CD276: variants seen among roughly 807,000 people sequenced by gnomAD.
CD276 encodes the protein CD276 antigen.
Under a neutral mutation model 50.0 loss-of-function variants are expected in CD276, and 34 were observed. The ratio of observed to expected loss-of-function variants is 0.68; its 90% CI spans 0.52 to 0.91. The LOEUF (loss-of-function observed/expected upper bound fraction) is 0.91. CD276 is among the 40% of genes least tolerant of loss of function. CD276 has a pLI of 0.00. For missense variants in CD276, 634 were observed against 717.5 expected (o/e 0.88, Z 1.33); for synonymous variants, 275 against 313.0 (o/e 0.88, Z 1.28).
chr15:73,708,550 T>G (rs1435574755), intron 7 of CD276, 77 bp downstream of exon 7: 2 of 1,492,246 alleles, frequency 1.3e-6, no homozygotes, highest in African/African-American at 1.4e-5. Flanking sequence ...TTGATGTCAA[T>G]AGAGTGTCAC....
intron 1 of CD276, chr15:73,684,740 G>C (rs1899672493): frequency 6.6e-6 from 1 of 152,456 alleles, no homozygotes; most frequent in Non-Finnish European, 1.5e-5. Flanking sequence ...CTTTCCTCGG[G>C]TTGAGAGGGG....
At position 73,703,689 on chromosome 15, in the gene CD276, C is replaced by T. The variant is rs543666880; in HGVS notation, c.764C>T (p.Pro255Leu). The change falls in exon 5 of 10, where the codon CCG (proline) becomes CTG (leucine). Residue 255 changes from proline to leucine, a missense_variant. Pro to Leu is a moderately conservative substitution (Grantham distance 98, BLOSUM62 -3). Coordinates refer to ENST00000318443, the MANE Select transcript of CD276 (RefSeq NM_001024736.2). ...GAVEVQVPEDPVVALVGTDAT... is the reference protein window; with the variant it reads ...GAVEVQVPEDLVVALVGTDAT... ...GTGGAGGTCCAGGTCCCTGAGGACC[C>T]GGTGGTGGCCCTAGTGGGCACCGAT... The T allele has an allele frequency of 1.5e-5, 24 of 1,612,576 alleles. 1 individual carries two copies. The African/African-American group carries it at 1.6e-4, about 11-fold the overall frequency.
rs1346801665 is a variant in CD276, at chr15:73,695,967, G to C, written c.-54-3619G>C. On this transcript the variant is annotated intron_variant, in intron 1 of 9. Transcript: ENST00000318443. ...CCCAGGCCCAGGGCATTTTGGCCCTGAGCCCAGGTGCAGTCTGGATTTGTT... is the reference window on the plus strand; with the variant it reads ...CCCAGGCCCAGGGCATTTTGGCCCTCAGCCCAGGTGCAGTCTGGATTTGTT... 2.0e-5 allele frequency among the ~76,000 whole-genome samples: 3 copies of C among 152,250 alleles called. No individual in the cohort carries two copies. In the East Asian group the frequency reaches 5.8e-4, roughly 29 times the overall value.
chr15:73,707,860 T>C lies in CD276; in HGVS notation c.1370-479T>C, dbSNP rs11574489. Among the ~76,000 whole-genome samples, 4 of 152,126 alleles carry C rather than the reference T, an allele frequency of 2.6e-5. No homozygotes were observed. In the East Asian group the frequency reaches 7.7e-4, roughly 29 times the overall value. ...AAAGAGGGCCTCTGGAGGAGGTGAA[T>C]ATTGAGCTAAGCAGAGAATTTGGGA... is the stretch of plus-strand genomic sequence containing the variant. On this transcript the variant is annotated intron_variant, in intron 6 of 9. Transcript: ENST00000318443.
Position 73,687,656 on chromosome 15 carries a change from C to T in CD276, c.-55+3196C>T, listed in dbSNP as rs1161738160. ...ATGCTGGGGCTTCCAGGAGTTCCCC[C>T]TCCACCCTCCAGTTCTGACCAGTGC... On this transcript the variant is annotated intron_variant, in intron 1 of 9. Transcript: ENST00000318443. The surrounding 1 kb of genome is among the most constrained non-coding windows in gnomAD (Gnocchi z 4.0). Among the ~76,000 whole-genome samples the T allele has an allele frequency of 6.6e-6, 1 of 152,194 alleles. No individual in the cohort carries two copies. Among genetic ancestry groups the T allele is most frequent in the Non-Finnish European group, 1.5e-5 (1 of 68,026 alleles).
chr15:73,704,020 C>T lies in CD276; in HGVS notation c.1072+23C>T. ...CCGGTGAGCACCAGGAGGGCGACGC[C>T]TTCCCCTTGGTTCACCCTCCATTCC... On this transcript the variant is annotated intron_variant, in intron 5 of 9. Transcript: ENST00000318443. This position sits in a 1 kb window ranked among gnomAD's most constrained non-coding sequence, Gnocchi z 4.1. 6.3e-7 allele frequency: 1 copy of T among 1,597,550 alleles called. No homozygotes were observed. Among genetic ancestry groups the T allele is most frequent in the Non-Finnish European group, 8.5e-7 (1 of 1,172,518 alleles).
At chr15:73,688,823 T>G (rs1899867133) in intron 1 of CD276, among the ~76,000 whole-genome samples, 1 of 152,168 alleles carries the variant, frequency 6.6e-6, no homozygotes, top group African/African-American at 2.4e-5. Context: ...AGAGTTGTTC[T>G]GCTAAGCTGA....
At chr15:73,710,559 C>A (rs1900854606) in intron 8 of CD276, among the ~76,000 whole-genome samples, 1 of 152,220 alleles carries the variant, frequency 6.6e-6, no homozygotes, top group Non-Finnish European at 1.5e-5. Flanking sequence ...TCCCTCCCCA[C>A]CCCCGCAGAA....
intron 1 of CD276, among the ~76,000 whole-genome samples, chr15:73,696,126 G>A (rs1367249490): frequency 1.3e-5 from 2 of 152,220 alleles, no homozygotes; most frequent in Non-Finnish European, 2.9e-5. Context: ...CTCTGTGAAA[G>A]CCGAAGGTGC....
In CD276 at chr15:73,702,951, G is replaced by A. The variant is rs753376152; in HGVS notation, c.598G>A (p.Gly200Ser). The A allele has an allele frequency of 2.2e-5, 36 of 1,614,068 alleles. No individual in the cohort carries two copies. The Middle Eastern group carries it at 9.9e-4, about 44-fold the overall frequency. ...VTTSQMANEQGLFDVHSILRV... is the reference protein window; with the variant it reads ...VTTSQMANEQSLFDVHSILRV... Reference sequence around the variant, plus strand: ...CACGTCGCAGATGGCCAACGAGCAGGGCTTGTTTGATGTGCACAGCATCCT... The same window carrying A: ...CACGTCGCAGATGGCCAACGAGCAGAGCTTGTTTGATGTGCACAGCATCCT... The change falls in exon 4 of 10, where the codon GGC becomes AGC. Residue 200 changes from glycine (G) to serine (S), a missense_variant. Physicochemically the swap from Gly to Ser is moderately conservative, Grantham distance 56. Transcript: ENST00000318443.
At chr15:73,695,567 C>T (rs1567015198) in intron 1 of CD276, among the ~76,000 whole-genome samples, 2 of 152,152 alleles carry the variant, frequency 1.3e-5, no homozygotes, top group African/African-American at 4.8e-5. Flanking sequence ...CCTTAGTTAT[C>T]TCTCTGCCCC....
chr15:73,708,187 C>T (rs1031548159), intron 6 of CD276, 152 bp from the exon 7 acceptor site: 9 of 774,396 alleles, frequency 1.2e-5, no homozygotes, highest in East Asian at 1.1e-4. Flanking sequence ...GAGTGTATGG[C>T]GAAGGGACTG....
rs993290100 is a variant in CD276 at position 73,713,622 on chromosome 15, G to C, written c.*666G>C. 2.7e-6 allele frequency: 1 copy of C among 364,010 alleles called. No individual in the cohort carries two copies. The allele number at this position is 364,010 out of a possible 1,614,324, so 22.5% of individuals were successfully genotyped here. On this transcript the variant is annotated 3_prime_UTR_variant, in exon 10 of 10. Transcript: ENST00000318443. ...GCACTCTGCGCCCACCACATGCACAGCTGTGCATGGAGACCTGCAGGTGCA... is the reference window on the plus strand; with the variant it reads ...GCACTCTGCGCCCACCACATGCACACCTGTGCATGGAGACCTGCAGGTGCA...
chr15:73,700,002 G>T (rs1458079257), intron 2 of CD276, among the ~76,000 whole-genome samples: 1 of 152,164 alleles, frequency 6.6e-6, no homozygotes, highest in African/African-American at 2.4e-5. Context: ...TCCTCTGCCT[G>T]GAACTTTCTG....
Position 73,704,463 on chromosome 15 carries a change from A to T in CD276, c.1360A>T (p.Thr454Ser). The stretch of plus-strand genomic sequence containing the variant: ...GCAGCAGGATGCGCACGGCTCTGTC[A>T]CCATCACAGGTAAGGGCAGATGAAC... ...VLQQDAHGSV[T>S]ITGQPMTFPP... Residue 454 changes from threonine (T) to serine (S), a missense_variant, in exon 6 of 10, where the codon ACC becomes TCC. Physicochemically the swap from Thr to Ser is moderately conservative, Grantham distance 58 (BLOSUM62 1). Transcript: ENST00000318443. This position sits in a 1 kb window ranked among gnomAD's most constrained non-coding sequence, Gnocchi z 4.1. 2 of 1,612,976 alleles carry T rather than the reference A, an allele frequency of 1.2e-6. No individual in the cohort carries two copies. The highest frequency in any genetic ancestry group is 1.7e-6 in the Non-Finnish European group (2 of 1,179,516).
chr15:73,713,042 C>A lies in CD276; in HGVS notation c.*86C>A. ...GCTGCACTGTGAGCCCTGCCCCCAA[C>A]AGATGCATCCTGCTCTGACAGGTGG... is the stretch of plus-strand genomic sequence containing the variant. On this transcript the variant is annotated 3_prime_UTR_variant, in exon 10 of 10. Coordinates refer to ENST00000318443, the MANE Select transcript of CD276 (RefSeq NM_001024736.2). 2 of 1,239,202 alleles carry A rather than the reference C, an allele frequency of 1.6e-6. No individual in the cohort carries two copies. The highest frequency in any genetic ancestry group is 2.6e-5 in the South Asian group (2 of 77,976). 76.8% of individuals were successfully genotyped at this position (1,239,202 alleles called of 1,614,324 possible).
intron 1 of CD276, among the ~76,000 whole-genome samples, chr15:73,689,187 C>CGTGTGT (rs1567012263): frequency 4.8e-5 from 5 of 104,112 alleles, no homozygotes; most frequent in Admixed American, 2.3e-4. Context: ...CTCTGTGCCT[C>CGTGTGT]CTGTGTGTGT....
intron 9 of CD276, 165 bp downstream of exon 9, chr15:73,711,335 A>T: frequency 1.4e-6 from 1 of 694,266 alleles, no homozygotes; most frequent in East Asian, 2.7e-5. Context: ...CTGAGTAACC[A>T]AGGTCCCAGC....
Position 73,713,735 on chromosome 15 carries a change from C to T in CD276, c.*779C>T, listed in dbSNP as rs748612481. On this transcript the variant is annotated 3_prime_UTR_variant, in exon 10 of 10. Coordinates refer to ENST00000318443, the MANE Select transcript of CD276 (RefSeq NM_001024736.2). Reference sequence around the variant, plus strand: ...CCCATCCTCCCCACGGAAGCATGTGCTGGTCACACTGGTTCTCCAGGGGTC... The same window carrying T: ...CCCATCCTCCCCACGGAAGCATGTGTTGGTCACACTGGTTCTCCAGGGGTC... The T allele has an allele frequency of 9.2e-6, 4 of 436,282 alleles. No individual in the cohort carries two copies. Among genetic ancestry groups the T allele is most frequent in the South Asian group, 6.5e-5 (4 of 61,384 alleles). 27.0% of individuals were successfully genotyped at this position (436,282 alleles called of 1,614,324 possible).
Sources: allele counts gnomAD v4.1 joint callset (sites outside exome capture counted in the v4.1 genomes callset), GRCh38; gene constraint gnomAD v4.1.1; non-coding constraint Gnocchi (gnomAD v3.1); transcripts MANE v1.5; gene names NCBI Gene and HGNC (gene_info 2026-07-23, HGNC 2026-07-21).